The following PCTP variants were observed in gnomAD, a reference collection of about 807,000 sequenced individuals.
PCTP encodes START domain-containing protein 2.
PCTP carries 27 observed loss-of-function variants against 31.0 expected under a neutral mutation model. The observed-to-expected ratio is 0.87, with a 90% CI of 0.64 to 1.20. The LOEUF is 1.20. PCTP is among the 50% of genes most tolerant of loss of function. The probability of loss-of-function intolerance (pLI) is 0.00; values close to 1 mark genes in which losing one functional copy is unlikely to be tolerated. For synonymous variants in PCTP, 108 were observed against 101.2 expected (o/e 1.07, Z -0.40); for missense variants, 287 against 268.2 (o/e 1.07, Z -0.49).
chr17:55,838,930 G>A (rs1905865748), intron 5 of PCTP, among the ~76,000 whole-genome samples: 1 of 152,134 alleles, frequency 6.6e-6, no homozygotes, highest in Non-Finnish European at 1.5e-5. Context: ...AAGGCTCGGG[G>A]GAAACTGGAA....
intron 3 of PCTP, among the ~76,000 whole-genome samples, chr17:55,817,105 A>G (rs2145056237): frequency 6.6e-6 from 1 of 152,348 alleles, no homozygotes; most frequent in East Asian, 1.9e-4. Context: ...CATTTTGTAG[A>G]CAGAGTTAAC....
At chr17:55,785,299 C>T (rs1285134356) in intron 2 of PCTP, among the ~76,000 whole-genome samples, 1 of 152,228 alleles carries the variant, frequency 6.6e-6, no homozygotes, top group Non-Finnish European at 1.5e-5. Flanking sequence ...ACCCTCAGTT[C>T]AGCAGTTTGG....
At chr17:55,802,294 G>A (rs183510470) in intron 3 of PCTP, among the ~76,000 whole-genome samples, 9 of 152,290 alleles carry the variant, frequency 5.9e-5, no homozygotes, top group African/African-American at 1.9e-4. Flanking sequence ...GGCATAAAGA[G>A]GAGCTGGTAC....
chr17:55,831,479 C>T (rs1368722960), intron 5 of PCTP, among the ~76,000 whole-genome samples: 1 of 152,164 alleles, frequency 6.6e-6, no homozygotes, highest in African/African-American at 2.4e-5. Flanking sequence ...CCGCTTTGGG[C>T]ATCAGCTTCC....
chr17:55,789,608 G>C lies in PCTP; in HGVS notation c.317+1954G>C, dbSNP rs76741888. 8.3e-4 allele frequency among the ~76,000 whole-genome samples: 126 copies of C among 152,182 alleles called. 3 individuals are homozygous for C. The East Asian group carries it at 0.018, about 22-fold the overall frequency. ...TTCAATGCTCTATCCTCCTGTGAAG[G>C]CTTCCTAAATCCCTTCCTTCAGGTC... is the stretch of plus-strand genomic sequence containing the variant. On this transcript the variant is annotated intron_variant, in intron 3 of 3. Coordinates refer to the PCTP transcript ENST00000572536.
intron 5 of PCTP, among the ~76,000 whole-genome samples, chr17:55,839,866 G>A (rs58043319): frequency 0.015 from 1,945 of 132,070 alleles, 47 homozygotes; most frequent in African/African-American, 0.054. Flanking sequence ...CTTGCAGTGA[G>A]CCGAGATCCC....
the PCTP span, among the ~76,000 whole-genome samples, chr17:55,849,603 A>G: frequency 0.011 from 1,734 of 152,332 alleles, 15 homozygotes; most frequent in Non-Finnish European, 0.017. Context: ...AGCCTGGGCA[A>G]CAAGAGCGAA....
chr17:55,771,330 G>T (rs752501132), intron 3 of PCTP, 145 bp downstream of exon 3: 5 of 667,612 alleles, frequency 7.5e-6, no homozygotes, highest in East Asian at 2.7e-5. Context: ...ATTTGCTAAA[G>T]ATATTGCTTC....
intron 3 of PCTP, among the ~76,000 whole-genome samples, chr17:55,773,057 G>C (rs1053571181): frequency 6.6e-6 from 1 of 152,168 alleles, no homozygotes; most frequent in East Asian, 1.9e-4. Context: ...TAAACTTAAG[G>C]GTTCTTCTGT....
chr17:55,785,350 G>T (rs1378894895), intron 2 of PCTP, among the ~76,000 whole-genome samples: 2 of 152,232 alleles, frequency 1.3e-5, no homozygotes, highest in Non-Finnish European at 2.9e-5. Flanking sequence ...AGTGAGATTA[G>T]AAGAAGATCC....
At chr17:55,846,610 T>A (rs1198393427), downstream of PCTP, among the ~76,000 whole-genome samples, 4 of 152,234 alleles carry the variant, frequency 2.6e-5, no homozygotes, top group East Asian at 5.8e-4. Context: ...AAGAACCAAA[T>A]TACTGCCATA....
downstream of PCTP, among the ~76,000 whole-genome samples, chr17:55,823,995 A>C (rs928301974): frequency 2.0e-5 from 3 of 151,808 alleles, no homozygotes; most frequent in African/African-American, 7.3e-5. Flanking sequence ...GGACTCCCAC[A>C]CTCCTTGCTG....
At chr17:55,835,246 C>T (rs1167815002) in intron 5 of PCTP, among the ~76,000 whole-genome samples, 1 of 152,182 alleles carries the variant, frequency 6.6e-6, no homozygotes, top group East Asian at 1.9e-4. Context: ...TGCCTGCCAT[C>T]CCAAGCCACC....
chr17:55,836,693 A>G lies in PCTP; in HGVS notation n.506-6034A>G, dbSNP rs111678354. Among the ~76,000 whole-genome samples, 51 of 152,286 alleles carry G rather than the reference A, an allele frequency of 3.3e-4. 1 individual carries two copies. Among genetic ancestry groups the G allele is most frequent in the African/African-American group, 1.2e-3 (51 of 41,556 alleles). On this transcript the variant is annotated intron_variant and non_coding_transcript_variant, in intron 5 of 5. Coordinates refer to the PCTP transcript ENST00000576221. ...TTCAACTCCATACCTTTGTCCTGCC[A>G]TTGTTTCTTCCTGGAACACATTGAA...
intron 3 of PCTP, among the ~76,000 whole-genome samples, chr17:55,814,366 A>G (rs1912846815): frequency 6.6e-6 from 1 of 152,236 alleles, no homozygotes; most frequent in South Asian, 2.1e-4. Context: ...AGTTATTTTC[A>G]ATTTTAGGAG....
At chr17:55,754,740 T>C (rs1909911847) in intron 1 of PCTP, among the ~76,000 whole-genome samples, 2 of 152,294 alleles carry the variant, frequency 1.3e-5, no homozygotes, top group South Asian at 2.1e-4. Context: ...CTTGCAACTC[T>C]TGGCTCAACT....
intron 5 of PCTP, among the ~76,000 whole-genome samples, chr17:55,838,115 TG>T (rs1430361532): frequency 6.6e-6 from 1 of 151,752 alleles, no homozygotes; most frequent in African/African-American, 2.4e-5. Context: ...CACTCCAGAT[TG>T]GGTGACAGAA....
chr17:55,842,223 G>T (rs973073127), intron 5 of PCTP, among the ~76,000 whole-genome samples: 2 of 152,116 alleles, frequency 1.3e-5, no homozygotes, highest in Non-Finnish European at 2.9e-5. Flanking sequence ...AATGGAATGG[G>T]GCATGGGGGC....
intron 3 of PCTP, among the ~76,000 whole-genome samples, chr17:55,818,062 G>A (rs1458882795): frequency 6.6e-6 from 1 of 152,158 alleles, no homozygotes; most frequent in East Asian, 1.9e-4. Context: ...GCACAGCTTG[G>A]GGTGGGTCAG....
Sources: allele counts gnomAD v4.1 joint callset (sites outside exome capture counted in the v4.1 genomes callset), GRCh38; gene constraint gnomAD v4.1.1; transcripts MANE v1.5; gene names NCBI Gene and HGNC (gene_info 2026-07-23, HGNC 2026-07-21).